Variants in COL18A1 observed in about 807,000 individuals in gnomAD.
COL18A1 encodes collagen alpha-1(XVIII) chain.
In COL18A1, 133 loss-of-function variants were observed where a neutral mutation model predicts 168.0. The observed-to-expected ratio is 0.79, with a 90% CI of 0.69 to 0.91. The LOEUF is 0.91. Ranked by LOEUF, COL18A1 falls within the 40% of genes least tolerant of loss-of-function variation. The pLI, the probability that COL18A1 is intolerant of heterozygous loss-of-function variation, is 0.00. For missense variants in COL18A1, 2,126 were observed against 1,925.4 expected (o/e 1.10, Z -1.95); for synonymous variants, 949 against 809.0 (o/e 1.17, Z -2.94).
chr21:45,478,575 G>A (rs946465271), intron 9 of COL18A1, among the ~76,000 whole-genome samples: 1 of 152,034 alleles, frequency 6.6e-6, no homozygotes, highest in Non-Finnish European at 1.5e-5. Flanking sequence ...CAACTACCAT[G>A]AAGAAGGAAA....
chr21:45,509,511 C>T lies in COL18A1; in HGVS notation c.3405C>T (p.Pro1135=), dbSNP rs1156468067. Residue 1135 remains proline (P), a synonymous_variant, in exon 39 of 42, where the codon CCC becomes CCT. Transcript: ENST00000651438. ...GCCTGCCCGAGCCCCAGCCCTACCC[C>T]GGAGCCCCGCACCACAGCTCCTACG... ...PPRLPEPQPY[P]GAPHHSSYVH... 1.4e-5 allele frequency: 21 copies of T among 1,532,386 alleles called. No homozygotes were observed. The highest frequency in any genetic ancestry group is 1.2e-4 in the East Asian group (5 of 41,862). 94.9% of individuals were successfully genotyped at this position (1,532,386 alleles called of 1,614,324 possible). A position where few individuals can be genotyped will look rare whatever the true frequency, so the allele number is the denominator to read the frequency against.
Position 45,505,982 on chromosome 21 carries a change from G to A in COL18A1, c.3216+16G>A, listed in dbSNP as rs1474312289. The A allele has an allele frequency of 6.2e-7, 1 of 1,612,844 alleles. No homozygotes were observed. The highest frequency in any genetic ancestry group is 8.5e-7 in the Non-Finnish European group (1 of 1,179,932). On this transcript the variant is annotated intron_variant, in intron 37 of 41. Coordinates refer to ENST00000651438, the MANE Select transcript of COL18A1 (RefSeq NM_001379500.1). ...GAAGGTCCAGGTGAGCGCTCTGTGT[G>A]ACGGGTTCTGGACCCGTGGAAGGGC...
intron 24 of COL18A1, 29 bp from the exon 25 acceptor site, chr21:45,493,134 C>A: frequency 6.5e-7 from 1 of 1,548,188 alleles, no homozygotes; most frequent in Non-Finnish European, 8.7e-7. Flanking sequence ...GCCAGCCGCT[C>A]GGGCCTCACG....
chr21:45,418,566 G>A (rs55700611), intron 2 of COL18A1, among the ~76,000 whole-genome samples: 76,861 of 151,822 alleles, frequency 0.51, 20,077 homozygotes, highest in Middle Eastern at 0.62. Flanking sequence ...GCTGAGCCTC[G>A]GGGTGCTCAC....
At chr21:45,500,046 C>G (rs1183658259) in intron 32 of COL18A1, among the ~76,000 whole-genome samples, 1 of 151,830 alleles carries the variant, frequency 6.6e-6, no homozygotes, top group Non-Finnish European at 1.5e-5. Context: ...CTGGAGAGGT[C>G]GAGGCACCCA....
intron 2 of COL18A1, among the ~76,000 whole-genome samples, chr21:45,451,168 C>G (rs2034614048): frequency 6.6e-6 from 1 of 152,232 alleles, no homozygotes; most frequent in Non-Finnish European, 1.5e-5. Flanking sequence ...CCCATGGCTA[C>G]AGCTTCCAAC....
rs144803247 is a variant in COL18A1, at chr21:45,468,798, T to C, written c.651+12T>C. ...CTGACAAGTTCCAGGTAACCCCCAC[T>C]GTGCCGTCGCTGGGGGACTGGAGCA... On this transcript the variant is annotated intron_variant, in intron 3 of 41. Transcript: ENST00000651438. 3.4e-5 allele frequency: 52 copies of C among 1,507,356 alleles called. No individual in the cohort carries two copies. The African/African-American group carries it at 5.1e-4, about 15-fold the overall frequency. 93.4% of individuals were successfully genotyped at this position (1,507,356 alleles called of 1,614,324 possible).
chr21:45,411,413 C>T (rs936265481), intron 2 of COL18A1, among the ~76,000 whole-genome samples: 8 of 152,238 alleles, frequency 5.3e-5, no homozygotes, highest in Admixed American at 2.6e-4. Flanking sequence ...TTGGTCCACC[C>T]GGCCTTTGAT....
intron 14 of COL18A1, 168 bp downstream of exon 14, chr21:45,482,193 G>T: frequency 3.2e-6 from 2 of 630,020 alleles, no homozygotes; most frequent in Admixed American, 2.7e-5. Flanking sequence ...GACCTGGGCG[G>T]CTGGGGCTTG....
intron 15 of COL18A1, among the ~76,000 whole-genome samples, chr21:45,484,409 A>G (rs1162431111): frequency 1.4e-5 from 2 of 143,260 alleles, no homozygotes; most frequent in African/African-American, 5.5e-5. Flanking sequence ...ACACACACAC[A>G]CACCTCTCCA....
intron 2 of COL18A1, among the ~76,000 whole-genome samples, chr21:45,414,899 A>T (rs4819099): frequency 6.6e-6 from 1 of 151,950 alleles, no homozygotes; most frequent in African/African-American, 2.4e-5. Flanking sequence ...GGTGGGCCCC[A>T]CGTCATTACG....
intron 2 of COL18A1, among the ~76,000 whole-genome samples, chr21:45,464,188 G>C (rs1310269661): frequency 6.6e-6 from 1 of 152,154 alleles, no homozygotes; most frequent in Non-Finnish European, 1.5e-5. Flanking sequence ...CAGGCACTGG[G>C]GCAGAGGTGG....
rs1427376624 is a variant in COL18A1, at chr21:45,482,213, T to G, written c.1674+188T>G. 3 of 625,162 alleles carry G rather than the reference T, an allele frequency of 4.8e-6. No individual in the cohort carries two copies. The South Asian group carries it at 5.4e-5, about 11-fold the overall frequency. 38.7% of individuals were successfully genotyped at this position (625,162 alleles called of 1,614,324 possible). ...GGGCGGCTGGGGCTTGGGTAGAAAT[T>G]CATAACCCTGTGATGATGAGTGGAC... is the stretch of plus-strand genomic sequence containing the variant. On this transcript the variant is annotated intron_variant, in intron 14 of 41. Coordinates refer to ENST00000651438, the MANE Select transcript of COL18A1 (RefSeq NM_001379500.1).
Position 45,457,381 on chromosome 21 carries a change from C to T in COL18A1, c.107-10861C>T, listed in dbSNP as rs986031681. Among the ~76,000 whole-genome samples the T allele has an allele frequency of 2.6e-5, 4 of 152,176 alleles. No individual in the cohort carries two copies. Among genetic ancestry groups the T allele is most frequent in the Non-Finnish European group, 5.9e-5 (4 of 67,998 alleles). On this transcript the variant is annotated intron_variant, in intron 2 of 41. Transcript: ENST00000651438. The surrounding 1 kb of genome is among the most constrained non-coding windows in gnomAD (Gnocchi z 4.6). ...GTGGGCAGTGCAGAGACCCTACCAGCGTGGGGACCAGGGAGGTCTGCAGGG... is the reference window on the plus strand; with the variant it reads ...GTGGGCAGTGCAGAGACCCTACCAGTGTGGGGACCAGGGAGGTCTGCAGGG...
chr21:45,480,623 A>G, intron 12 of COL18A1, 77 bp from the exon 13 acceptor site: 4 of 1,612,392 alleles, frequency 2.5e-6, no homozygotes, highest in Non-Finnish European at 3.4e-6. Flanking sequence ...GGTGGGGATG[A>G]GGCCCGTTCT....
chr21:45,444,097 C>T (rs530019735), intron 2 of COL18A1, among the ~76,000 whole-genome samples: 6 of 152,356 alleles, frequency 3.9e-5, no homozygotes, highest in Non-Finnish European at 8.8e-5. Flanking sequence ...GCCCCTTCCC[C>T]GTTGCACATC....
intron 2 of COL18A1, among the ~76,000 whole-genome samples, chr21:45,415,700 A>G (rs1333146268): frequency 6.6e-6 from 1 of 152,176 alleles, no homozygotes; most frequent in East Asian, 1.9e-4. Flanking sequence ...CCTGGCCTTC[A>G]GAGAGGTGCG....
intron 2 of COL18A1, among the ~76,000 whole-genome samples, chr21:45,442,655 TGG>T (rs2034401752): frequency 7.0e-6 from 1 of 141,936 alleles, no homozygotes; most frequent in Admixed American, 6.9e-5. Context: ...GCAGCGGTGC[TGG>T]TGTGGGCGGC....
chr21:45,456,668 C>A, intron 2 of COL18A1: 1 of 1,532,496 alleles, frequency 6.5e-7, no homozygotes, highest in Non-Finnish European at 8.8e-7. Context: ...GCTGCAGACG[C>A]ACTGCCACCC....
Sources: allele counts gnomAD v4.1 joint callset (sites outside exome capture counted in the v4.1 genomes callset), GRCh38; gene constraint gnomAD v4.1.1; non-coding constraint Gnocchi (gnomAD v3.1); transcripts MANE v1.5; gene names NCBI Gene and HGNC (gene_info 2026-07-23, HGNC 2026-07-21).